Variants in PACS1 observed in about 807,000 individuals in gnomAD.
PACS1 encodes phosphofurin acidic cluster sorting protein 1.
A neutral mutation model predicts 115.0 loss-of-function variants in PACS1; 24 were observed. That is an observed-to-expected ratio of 0.21 (90% CI 0.15 to 0.29). PACS1 has a LOEUF of 0.29. PACS1 is among the 10% of genes least tolerant of loss of function. The pLI, the probability that PACS1 is intolerant of heterozygous loss-of-function variation, is 1.00. For synonymous variants in PACS1, 453 were observed against 504.5 expected, an observed-to-expected ratio of 0.90 and a Z score of 1.37; for missense variants, 838 against 1,251.2, an observed-to-expected ratio of 0.67 and a Z score of 4.98.
At chr11:66,081,261 A>G in intron 1 of PACS1, among the ~76,000 whole-genome samples, 1 of 152,142 alleles carries the variant, frequency 6.6e-6, no homozygotes, top group East Asian at 1.9e-4. Context: ...AAGAAAGAAA[A>G]GAAAAGTCCC....
At chr11:66,082,961 A>T (rs1857513169) in intron 1 of PACS1, among the ~76,000 whole-genome samples, 1 of 152,236 alleles carries the variant, frequency 6.6e-6, no homozygotes, top group African/African-American at 2.4e-5. Context: ...TATAATATTT[A>T]TACTGCAGCA....
chr11:66,167,473 T>TA (rs1367514088), intron 1 of PACS1, among the ~76,000 whole-genome samples: 1 of 149,480 alleles, frequency 6.7e-6, no homozygotes, highest in East Asian at 1.9e-4. Flanking sequence ...GTACTGGAAT[T>TA]ACAGGCATGA....
chr11:66,095,956 A>G (rs957444451), intron 1 of PACS1, among the ~76,000 whole-genome samples: 1 of 150,886 alleles, frequency 6.6e-6, no homozygotes, highest in Non-Finnish European at 1.5e-5. Context: ...AATTTTTGAG[A>G]TAGAGTCTCA....
intron 1 of PACS1, among the ~76,000 whole-genome samples, chr11:66,186,377 A>G (rs1000774082): frequency 2.0e-5 from 3 of 151,952 alleles, no homozygotes; most frequent in Non-Finnish European, 2.9e-5. Context: ...CAGGCAGACC[A>G]AGCATGCAGC....
chr11:66,241,418 T>G lies in PACS1; in HGVS notation c.2430-9T>G. On this transcript the variant is annotated splice_polypyrimidine_tract_variant and intron_variant, in intron 21 of 23. Transcript: ENST00000320580. The stretch of plus-strand genomic sequence containing the variant: ...GAGCTGACCTCTCCTCTTTGTTCCC[T>G]TTCCTCAGGAGCCCTAATAGCCCAT... The G allele has an allele frequency of 6.4e-7, 1 of 1,571,140 alleles. No homozygotes were observed. Among genetic ancestry groups the G allele is most frequent in the Non-Finnish European group, 8.6e-7 (1 of 1,156,362 alleles).
chr11:66,150,997 CAGGGATGGAAGACA>C (rs1174219783), intron 1 of PACS1, among the ~76,000 whole-genome samples: 1 of 151,870 alleles, frequency 6.6e-6, no homozygotes, highest in Non-Finnish European at 1.5e-5. Flanking sequence ...GAAGAGAAGT[CAGGGATGGAAGACA>C]AGCTGGAAAG....
At chr11:66,134,185 C>T (rs1410996538) in intron 1 of PACS1, among the ~76,000 whole-genome samples, 1 of 150,306 alleles carries the variant, frequency 6.7e-6, no homozygotes, top group African/African-American at 2.4e-5. Flanking sequence ...CTGCCCTCGA[C>T]TGTTGTGAGG....
At chr11:66,192,706 C>A (rs1854556267) in intron 1 of PACS1, among the ~76,000 whole-genome samples, 1 of 152,220 alleles carries the variant, frequency 6.6e-6, no homozygotes. Flanking sequence ...TTTGACCACC[C>A]AGGCAGCCAT....
intron 1 of PACS1, among the ~76,000 whole-genome samples, chr11:66,104,820 T>C (rs1481868493): frequency 2.0e-5 from 3 of 152,370 alleles, no homozygotes; most frequent in African/African-American, 7.2e-5. Context: ...GTTTATTATT[T>C]GATTTTATAT....
intron 2 of PACS1, among the ~76,000 whole-genome samples, chr11:66,204,776 G>A (rs1449929022): frequency 6.6e-6 from 1 of 152,064 alleles, no homozygotes; most frequent in African/African-American, 2.4e-5. Context: ...GTCTAATGAT[G>A]GTTACCACAG....
At chr11:66,137,022 G>GCCCC (rs10719542) in intron 1 of PACS1, among the ~76,000 whole-genome samples, 10 of 132,302 alleles carry the variant, frequency 7.6e-5, no homozygotes, top group African/African-American at 2.0e-4. Context: ...GTCACAAATT[G>GCCCC]CCCCCCCCCC....
intron 4 of PACS1, among the ~76,000 whole-genome samples, chr11:66,214,336 C>T (rs1447612845): frequency 1.3e-5 from 2 of 152,162 alleles, no homozygotes. Context: ...ACGCCAGGCT[C>T]TGCCATTCCC....
intron 2 of PACS1, among the ~76,000 whole-genome samples, chr11:66,205,097 A>G (rs1185163226): frequency 6.6e-6 from 1 of 151,718 alleles, no homozygotes; most frequent in African/African-American, 2.4e-5. Context: ...CGATTCTCCT[A>G]CCTCAGCCTC....
intron 1 of PACS1, among the ~76,000 whole-genome samples, chr11:66,168,535 A>G (rs78989162): frequency 2.0e-5 from 3 of 150,112 alleles, no homozygotes; most frequent in Non-Finnish European, 2.9e-5. Context: ...TTGGGTTTCA[A>G]TCCTGTTGGT....
At chr11:66,134,784 T>TCATCTTTTTCTCACTATC (rs1858805579) in intron 1 of PACS1, among the ~76,000 whole-genome samples, 1 of 152,094 alleles carries the variant, frequency 6.6e-6, no homozygotes, top group Admixed American at 6.6e-5. Context: ...TCACTGGGGA[T>TCATCTTTTTCTCACTATC]TCCCTTCACT....
intron 1 of PACS1, among the ~76,000 whole-genome samples, chr11:66,154,391 A>G (rs1859308840): frequency 6.6e-6 from 1 of 152,104 alleles, no homozygotes; most frequent in Admixed American, 6.6e-5. Context: ...GTGAGCTATG[A>G]TAGCACCACT....
chr11:66,161,044 G>A (rs1193576346), intron 1 of PACS1, among the ~76,000 whole-genome samples: 1 of 152,062 alleles, frequency 6.6e-6, no homozygotes, highest in Non-Finnish European at 1.5e-5. Flanking sequence ...CCCTCACTTA[G>A]TGAGGATAAA....
At chr11:66,182,498 C>T (rs977226296) in intron 1 of PACS1, among the ~76,000 whole-genome samples, 1 of 151,330 alleles carries the variant, frequency 6.6e-6, no homozygotes, top group African/African-American at 2.4e-5. Flanking sequence ...CATGGTCTTG[C>T]TGTCACCCAG....
intron 1 of PACS1, among the ~76,000 whole-genome samples, chr11:66,159,146 G>T (rs921065472): frequency 6.6e-6 from 1 of 152,092 alleles, no homozygotes; most frequent in Non-Finnish European, 1.5e-5. Context: ...TTTCAGAAAT[G>T]CAGGGTCTCG....
Sources: gnomAD v4.1 joint callset for allele counts (sites outside exome capture counted in the v4.1 genomes callset) on GRCh38, gnomAD v4.1.1 for gene constraint, MANE v1.5 for transcripts, NCBI Gene and HGNC (gene_info 2026-07-23, HGNC 2026-07-21) for gene names.